The following PTPRO variants were observed in gnomAD, a reference collection of about 807,000 sequenced individuals.
PTPRO encodes receptor-type tyrosine-protein phosphatase O.
In PTPRO, 62 loss-of-function variants were observed where a neutral mutation model predicts 145.2. The observed-to-expected ratio is 0.43, with a 90% confidence interval of 0.35 to 0.53. The LOEUF (loss-of-function observed/expected upper bound fraction) is 0.53, where lower values mean the gene tolerates loss of function less well. Among genes scored for constraint, PTPRO ranks in the 20% least tolerant of loss-of-function variants. The pLI is 0.01. For missense variants in PTPRO, 1,345 were observed against 1,482.7 expected, an observed-to-expected ratio of 0.91 and a Z score of 1.53; for synonymous variants, 565 against 514.7, an observed-to-expected ratio of 1.10 and a Z score of -1.32.
Position 15,524,925 on chromosome 12 carries a change from G to T in PTPRO, c.2003G>T (p.Trp668Leu). The T allele has an allele frequency of 6.2e-7, 1 of 1,614,018 alleles. No individual in the cohort carries two copies. Among genetic ancestry groups the T allele is most frequent in the Middle Eastern group, 1.7e-4 (1 of 6,058 alleles). The change falls in exon 11 of 27, where the codon TGG becomes TTG. Residue 668 changes from tryptophan to leucine, a missense_variant. By Grantham distance (61) the Trp-to-Leu change is moderately conservative (BLOSUM62 -2). Coordinates refer to ENST00000281171, the MANE Select transcript of PTPRO (RefSeq NM_030667.3). The part of the protein sequence containing the change: ...TDLSHSRMLH[W>L]MVVAEGKKKI... ...TTGTCCCATTCTAGAATGCTTCACT[G>T]GATGGTGGTTGCAGAAGGAAAAAAG...
intron 1 of PTPRO, among the ~76,000 whole-genome samples, chr12:15,381,674 T>C (rs1161257953): frequency 6.6e-6 from 1 of 152,164 alleles, no homozygotes. Flanking sequence ...TTTGAGTGTT[T>C]TCTCCCTTTC....
At chr12:15,401,680 A>C (rs1482882145) in intron 1 of PTPRO, among the ~76,000 whole-genome samples, 2 of 152,218 alleles carry the variant, frequency 1.3e-5, no homozygotes, top group East Asian at 3.8e-4. Context: ...CATATGAACT[A>C]CACCATATTT....
At chr12:15,572,388 A>C (rs1944073928) in intron 19 of PTPRO, among the ~76,000 whole-genome samples, 1 of 152,250 alleles carries the variant, frequency 6.6e-6, no homozygotes, top group Non-Finnish European at 1.5e-5. Context: ...AAAACTATAC[A>C]AAGAGTAGAT....
At chr12:15,331,328 A>G (rs529150194) in intron 1 of PTPRO, among the ~76,000 whole-genome samples, 7 of 152,308 alleles carry the variant, frequency 4.6e-5, no homozygotes, top group African/African-American at 1.7e-4. Context: ...ACTGGGAGGT[A>G]TAAATGCTTC....
intron 1 of PTPRO, among the ~76,000 whole-genome samples, chr12:15,452,086 T>G (rs1220360979): frequency 6.6e-6 from 1 of 152,040 alleles, no homozygotes; most frequent in Non-Finnish European, 1.5e-5. Flanking sequence ...ATAAAACTGA[T>G]AGACCATTAG....
intron 1 of PTPRO, among the ~76,000 whole-genome samples, chr12:15,343,210 T>C (rs770283080): frequency 1.2e-4 from 18 of 151,988 alleles, no homozygotes; most frequent in South Asian, 2.1e-4. Flanking sequence ...GAAATCTTAA[T>C]TGAATATGAA....
At chr12:15,536,708 C>T (rs1291306751) in intron 12 of PTPRO, among the ~76,000 whole-genome samples, 1 of 152,168 alleles carries the variant, frequency 6.6e-6, no homozygotes, top group Non-Finnish European at 1.5e-5. Context: ...GGTAATATGA[C>T]CATACATCCC....
At chr12:15,380,294 G>A (rs570441345) in intron 1 of PTPRO, among the ~76,000 whole-genome samples, 2 of 151,862 alleles carry the variant, frequency 1.3e-5, no homozygotes, top group South Asian at 4.2e-4. Context: ...TAATAGTCAG[G>A]GACAATTCTT....
At chr12:15,325,664 C>T in intron 1 of PTPRO, among the ~76,000 whole-genome samples, 1 of 152,152 alleles carries the variant, frequency 6.6e-6, no homozygotes, top group Non-Finnish European at 1.5e-5. Context: ...TGTGTGTCTT[C>T]CCATAATTCC....
chr12:15,526,784 T>C (rs572460836), intron 12 of PTPRO, among the ~76,000 whole-genome samples: 1 of 152,154 alleles, frequency 6.6e-6, no homozygotes, highest in East Asian at 1.9e-4. Flanking sequence ...AAAGACATAA[T>C]GAAATTACCT....
chr12:15,422,094 A>G (rs538429184), intron 1 of PTPRO, among the ~76,000 whole-genome samples: 1 of 152,286 alleles, frequency 6.6e-6, no homozygotes, highest in South Asian at 2.1e-4. Flanking sequence ...GCTAAATGAA[A>G]CTTTGCAGCA....
chr12:15,383,171 C>T (rs147857372), intron 1 of PTPRO, among the ~76,000 whole-genome samples: 111 of 152,304 alleles, frequency 7.3e-4, no homozygotes, highest in African/African-American at 2.3e-3. Flanking sequence ...TGCTCTACTT[C>T]TGAGTTTGAC....
rs1020065969 is a variant in PTPRO at position 15,597,178 on chromosome 12, C to T, written c.*1105C>T. 3 of 152,110 alleles carry T rather than the reference C, an allele frequency of 2.0e-5. No homozygotes were observed. The highest frequency in any genetic ancestry group is 3.8e-4 in the East Asian group (2 of 5,196). The allele number at this position is 152,110 out of a possible 1,614,324, so 9.4% of individuals were successfully genotyped here. ...CTTTTGGTTGTCAGTTTCATTTTAA[C>T]GAGTGTAACTAGTAACATTTTATTC... On this transcript the variant is annotated 3_prime_UTR_variant, in exon 27 of 27. Transcript: ENST00000281171.
intron 12 of PTPRO, among the ~76,000 whole-genome samples, chr12:15,544,602 T>C (rs184604303): frequency 3.3e-5 from 5 of 151,698 alleles, no homozygotes; most frequent in African/African-American, 9.7e-5. Flanking sequence ...AGCCTCAGAA[T>C]TGTGACTGAG....
chr12:15,422,435 C>G (rs1326620248), intron 1 of PTPRO, among the ~76,000 whole-genome samples: 1 of 152,064 alleles, frequency 6.6e-6, no homozygotes, highest in Non-Finnish European at 1.5e-5. Flanking sequence ...TAAAAATTCT[C>G]CATAATTGAG....
At chr12:15,583,786 A>T (rs185076400) in intron 23 of PTPRO, among the ~76,000 whole-genome samples, 1 of 152,340 alleles carries the variant, frequency 6.6e-6, no homozygotes, top group Admixed American at 6.5e-5. Flanking sequence ...ACAACGTTAG[A>T]ACTTGATACT....
chr12:15,585,881 A>T (rs1449867415), intron 23 of PTPRO, among the ~76,000 whole-genome samples: 1 of 152,236 alleles, frequency 6.6e-6, no homozygotes, highest in Non-Finnish European at 1.5e-5. Flanking sequence ...TATACATTCT[A>T]GTTAATATGT....
intron 1 of PTPRO, among the ~76,000 whole-genome samples, chr12:15,388,714 A>G (rs1192705193): frequency 1.3e-5 from 2 of 152,210 alleles, no homozygotes; most frequent in African/African-American, 2.4e-5. Flanking sequence ...AAAATGCTCT[A>G]TCTGATTAGT....
At chr12:15,501,214 T>C (rs1942214389) in intron 4 of PTPRO, among the ~76,000 whole-genome samples, 6 of 152,214 alleles carry the variant, frequency 3.9e-5, no homozygotes, top group African/African-American at 1.2e-4. Context: ...TTCATCTTCA[T>C]AGCTATAAGT....
Sources: gnomAD v4.1 joint callset for allele counts (sites outside exome capture counted in the v4.1 genomes callset) on GRCh38, gnomAD v4.1.1 for gene constraint, MANE v1.5 for transcripts, NCBI Gene and HGNC (gene_info 2026-07-23, HGNC 2026-07-21) for gene names.